The following CYP11A1 variants were observed in gnomAD, a reference collection of about 807,000 sequenced individuals.
The protein encoded by CYP11A1 is cytochrome P450 family 11 subfamily A member 1.
CYP11A1 carries 25 observed loss-of-function variants against 51.9 expected under a neutral mutation model. The ratio of observed to expected loss-of-function variants is 0.48; its 90% CI spans 0.35 to 0.67. The LOEUF (loss-of-function observed/expected upper bound fraction) is 0.67, where lower values mean the gene tolerates loss of function less well. CYP11A1 is among the 30% of genes least tolerant of loss of function. The pLI, the probability that CYP11A1 is intolerant of heterozygous loss-of-function variation, is 0.00. For synonymous variants in CYP11A1, 245 were observed against 262.1 expected (o/e 0.93, Z 0.63); for missense variants, 578 against 680.9 (o/e 0.85, Z 1.68).
At chr15:74,361,964 G>T (rs1275424701) in intron 1 of CYP11A1, 3 of 1,224,676 alleles carry the variant, frequency 2.4e-6, no homozygotes, top group Non-Finnish European at 2.4e-6. Context: ...CATGAATATT[G>T]TGGAGGCCAC....
At chr15:74,365,711 G>C in intron 1 of CYP11A1, 3 of 985,516 alleles carry the variant, frequency 3.0e-6, no homozygotes, top group African/African-American at 3.5e-5. Flanking sequence ...CCGCGCGGAC[G>C]TCACCTTAGC....
chr15:74,343,178 C>A (rs762321706), intron 4 of CYP11A1, 41 bp from the exon 5 acceptor site: 1 of 1,609,768 alleles, frequency 6.2e-7, no homozygotes, highest in African/African-American at 1.3e-5. Flanking sequence ...AGGTTCCCTG[C>A]AGGCGGGTGG....
intron 1 of CYP11A1, among the ~76,000 whole-genome samples, chr15:74,356,803 C>T (rs555232499): frequency 7.9e-5 from 12 of 151,858 alleles, no homozygotes; most frequent in Non-Finnish European, 1.5e-4. Flanking sequence ...CCCCTTGTAT[C>T]TCCCCACCTT....
At chr15:74,366,220 T>C in intron 1 of CYP11A1, 3 of 984,904 alleles carry the variant, frequency 3.0e-6, no homozygotes, top group Non-Finnish European at 3.6e-6. Flanking sequence ...AGCGCCAAAC[T>C]TGACCACGCT....
At chr15:74,362,203 A>G in intron 1 of CYP11A1, 1 of 494,662 alleles carries the variant, frequency 2.0e-6, no homozygotes, top group Non-Finnish European at 3.6e-6. Context: ...GTTAAAGTTT[A>G]TGATTATGAA....
At chr15:74,366,409 G>C (rs959049302) in intron 1 of CYP11A1, among the ~76,000 whole-genome samples, 1 of 148,914 alleles carries the variant, frequency 6.7e-6, no homozygotes, top group African/African-American at 2.5e-5. Context: ...TCAGCCTCCC[G>C]AGTAGCTGGG....
intron 4 of CYP11A1, 119 bp from the exon 5 acceptor site, chr15:74,343,256 A>G: frequency 9.8e-7 from 1 of 1,019,998 alleles, no homozygotes; most frequent in South Asian, 1.3e-5. Flanking sequence ...TGTGCTTCTT[A>G]GGCTGCCGTT....
chr15:74,365,556 TAACCACCTCTCTCCGAGAGTTTC>T, intron 1 of CYP11A1: 1 of 528,820 alleles, frequency 1.9e-6, no homozygotes, highest in Non-Finnish European at 2.4e-6. Flanking sequence ...GCTTGTTCTC[TAACCACCTCTCTCCGAGAGTTTC>T]AAAGGGAGTG....
In CYP11A1 at chr15:74,339,428, G is replaced by A. The variant is rs1272909296; in HGVS notation, c.1158-113C>T. On this transcript the variant is annotated intron_variant, in intron 6 of 8. Transcript: ENST00000268053. ...TAGCTGCAGCAGCCTGGGGGGACCT[G>A]GGGGTAGGGCCCTGGCTCTATTTCT... The A allele has an allele frequency of 4.3e-6, 6 of 1,398,010 alleles. No homozygotes were observed. In the Admixed American group the frequency reaches 1.1e-4, roughly 25 times the overall value. 86.6% of individuals were successfully genotyped at this position (1,398,010 alleles called of 1,614,324 possible).
chr15:74,362,124 C>T (rs760602866), intron 1 of CYP11A1: 27 of 849,150 alleles, frequency 3.2e-5, no homozygotes, highest in Non-Finnish European at 5.1e-5. Context: ...CCCATTTGCT[C>T]GCAGTATCCT....
Position 74,343,995 on chromosome 15 carries a change from G to T in CYP11A1, c.626-3C>A, listed in dbSNP as rs753905495. On this transcript the variant is annotated splice_region_variant and splice_polypyrimidine_tract_variant and intron_variant, in intron 3 of 8. Coordinates refer to ENST00000268053, the MANE Select transcript of CYP11A1 (RefSeq NM_000781.3). ...CCCAAAAATGACGTTAGTGATGGCT[G>T]CAGGGAGAGGAAGAGGCTGAGGAGC... 4 of 1,613,726 alleles carry T rather than the reference G, an allele frequency of 2.5e-6. No homozygotes were observed. The highest frequency in any genetic ancestry group is 2.7e-5 in the African/African-American group (2 of 74,916).
chr15:74,338,751 G>A lies in CYP11A1; in HGVS notation c.1254C>T (p.Ala418=). 1.2e-6 allele frequency: 2 copies of A among 1,614,110 alleles called. No individual in the cohort carries two copies. Among genetic ancestry groups the A allele is most frequent in the Non-Finnish European group, 1.7e-6 (2 of 1,180,006 alleles). Residue 418 remains alanine, a synonymous_variant, in exon 8 of 9, where the codon GCC becomes GCT. Coordinates refer to ENST00000268053, the MANE Select transcript of CYP11A1 (RefSeq NM_000781.3). The part of the protein sequence containing the change: ...MIPAKTLVQV[A]IYALGREPTF... The stretch of plus-strand genomic sequence containing the variant: ...TGGGCTCTCGGCCCAGAGCATAGAT[G>A]GCCACTTGCACCAGTGTCTGGGGCA...
intron 1 of CYP11A1, chr15:74,359,731 C>T (rs566335367): frequency 6.6e-6 from 1 of 152,230 alleles, no homozygotes; most frequent in Non-Finnish European, 1.5e-5. Flanking sequence ...GATTAAAAAG[C>T]TTTATTGCTC....
intron 1 of CYP11A1, chr15:74,356,500 A>G (rs906027757): frequency 6.6e-6 from 1 of 152,168 alleles, no homozygotes; most frequent in African/African-American, 2.4e-5. Flanking sequence ...TTCTTAATCA[A>G]TATGGAGGCT....
In CYP11A1 at chr15:74,345,284, C is replaced by A. The variant is rs2060627881; in HGVS notation, c.426-41G>T. 7 of 1,610,626 alleles carry A rather than the reference C, an allele frequency of 4.3e-6. No homozygotes were observed. The highest frequency in any genetic ancestry group is 5.1e-6 in the Non-Finnish European group (6 of 1,176,972). The stretch of plus-strand genomic sequence containing the variant: ...CCCACAAGCCCTCATGGTCACAGAC[C>A]CCAGGCCTGGTGAACACAGAGGGGG... On this transcript the variant is annotated intron_variant, in intron 2 of 8. Coordinates refer to ENST00000268053, the MANE Select transcript of CYP11A1 (RefSeq NM_000781.3). The surrounding 1 kb of genome is among the most constrained non-coding windows in gnomAD (Gnocchi z 4.3).
At chr15:74,349,870 G>A (rs775370175) in intron 1 of CYP11A1, among the ~76,000 whole-genome samples, 2 of 152,086 alleles carry the variant, frequency 1.3e-5, no homozygotes, top group Non-Finnish European at 2.9e-5. Context: ...AGGATCACTT[G>A]CGCCCAGGAA....
chr15:74,343,995 G>A lies in CYP11A1; in HGVS notation c.626-3C>T, dbSNP rs753905495. On this transcript the variant is annotated splice_region_variant and splice_polypyrimidine_tract_variant and intron_variant, in intron 3 of 8. Coordinates refer to ENST00000268053, the MANE Select transcript of CYP11A1 (RefSeq NM_000781.3). The stretch of plus-strand genomic sequence containing the variant: ...CCCAAAAATGACGTTAGTGATGGCT[G>A]CAGGGAGAGGAAGAGGCTGAGGAGC... The A allele has an allele frequency of 4.3e-6, 7 of 1,613,726 alleles. No individual in the cohort carries two copies. The South Asian group carries it at 4.4e-5, about 10-fold the overall frequency.
At chr15:74,365,930 G>C in intron 1 of CYP11A1, 1 of 984,292 alleles carries the variant, frequency 1.0e-6, no homozygotes, top group Non-Finnish European at 1.2e-6. Context: ...AAAGCGCACG[G>C]AGTCCGTGTT....
chr15:74,349,122 T>G (rs2060644727), intron 1 of CYP11A1, among the ~76,000 whole-genome samples: 1 of 152,160 alleles, frequency 6.6e-6, no homozygotes, highest in African/African-American at 2.4e-5. Context: ...GGGGAAAAGA[T>G]AGCATCTAAC....
Sources: gnomAD v4.1 joint callset for allele counts (sites outside exome capture counted in the v4.1 genomes callset) on GRCh38, gnomAD v4.1.1 for gene constraint, Gnocchi (gnomAD v3.1) non-coding constraint, MANE v1.5 for transcripts, NCBI Gene and HGNC (gene_info 2026-07-23, HGNC 2026-07-21) for gene names.